Variants in TENT2 observed in about 807,000 individuals in gnomAD.
TENT2 encodes the protein poly(A) RNA polymerase GLD2.
In TENT2, 44 loss-of-function variants were observed where a neutral mutation model predicts 72.2. The ratio of observed to expected loss-of-function variants is 0.61; its 90% CI spans 0.48 to 0.78. The LOEUF (loss-of-function observed/expected upper bound fraction) is 0.78. Ranked by LOEUF, TENT2 falls within the 30% of genes least tolerant of loss-of-function variation. TENT2 has a pLI of 0.00. For missense variants in TENT2, 541 were observed against 569.6 expected, an observed-to-expected ratio of 0.95 and a Z score of 0.51; for synonymous variants, 212 against 192.5, an observed-to-expected ratio of 1.10 and a Z score of -0.84.
chr5:79,613,636 G>T (rs908214160), intron 1 of TENT2, among the ~76,000 whole-genome samples: 2 of 152,186 alleles, frequency 1.3e-5, no homozygotes, highest in African/African-American at 4.8e-5. Context: ...AATTATGTCT[G>T]TTCTGGAAAT....
chr5:79,642,843 G>A lies in TENT2; in HGVS notation c.684G>A (p.Gln228=). Residue 228 remains glutamine, a synonymous_variant, in exon 7 of 15, where the codon CAG becomes CAA. Transcript: ENST00000453514. ...LVVKEEPCFF[Q]VNQKTEARHI... is the part of the protein sequence containing the mutation. ...TTTTAACTTTTCAGTGTTTTTTTCAGGTAAATCAGAAGACTGAAGCACGGC... is the reference window on the plus strand; with the variant it reads ...TTTTAACTTTTCAGTGTTTTTTTCAAGTAAATCAGAAGACTGAAGCACGGC... The A allele has an allele frequency of 6.2e-7, 1 of 1,609,090 alleles. No homozygotes were observed. Among genetic ancestry groups the A allele is most frequent in the Non-Finnish European group, 8.5e-7 (1 of 1,177,924 alleles).
intron 11 of TENT2, among the ~76,000 whole-genome samples, chr5:79,659,556 G>GTGTATA (rs1168849605): frequency 4.4e-4 from 15 of 34,274 alleles, no homozygotes; most frequent in South Asian, 3.5e-3. Context: ...AAAAAAAAAT[G>GTGTATA]TATATATATA....
intron 1 of TENT2, among the ~76,000 whole-genome samples, chr5:79,616,682 C>G (rs1318807573): frequency 2.0e-5 from 3 of 152,130 alleles, no homozygotes; most frequent in Non-Finnish European, 4.4e-5. Flanking sequence ...TCCATTTCCT[C>G]TGAAGAAGCT....
In TENT2 at chr5:79,623,292, C is replaced by T; in HGVS notation, c.268C>T (p.Arg90Trp). ...AAAAAACCTTCCTCTTGACGGTAAA[C>T]GGCAACGTTTCCATTCACCCCACCA... ...DEKNLPLDGKRQRFHSPHQEP... is the reference protein window; with the variant it reads ...DEKNLPLDGKWQRFHSPHQEP... The change falls in exon 4 of 15, where the codon CGG becomes TGG. Residue 90 changes from arginine (R) to tryptophan (W), a missense_variant. Arg to Trp is a moderately radical substitution (Grantham distance 101, BLOSUM62 -3). Coordinates refer to ENST00000453514, the MANE Select transcript of TENT2 (RefSeq NM_001114394.3). The T allele has an allele frequency of 6.2e-7, 1 of 1,612,818 alleles. No individual in the cohort carries two copies. The highest frequency in any genetic ancestry group is 8.5e-7 in the Non-Finnish European group (1 of 1,179,436).
intron 10 of TENT2, among the ~76,000 whole-genome samples, chr5:79,656,185 C>T (rs1022757113): frequency 6.6e-6 from 1 of 151,762 alleles, no homozygotes; most frequent in African/African-American, 2.4e-5. Flanking sequence ...GAATGTTAGG[C>T]ACTTTACCTT....
At chr5:79,659,531 CAAAAAAAA>C (rs1291285987) in intron 11 of TENT2, among the ~76,000 whole-genome samples, 1 of 8,978 alleles carries the variant, frequency 1.1e-4, no homozygotes, top group Non-Finnish European at 2.0e-4. Flanking sequence ...GACTCTGTCT[CAAAAAAAA>C]AAAAAAAAAA....
At position 79,649,077 on chromosome 5, in the gene TENT2, G is replaced by A; in HGVS notation, c.914G>A (p.Arg305His). The change falls in exon 10 of 15, where the codon CGT becomes CAT. Residue 305 changes from arginine (R) to histidine (H), a missense_variant. By Grantham distance (29) the Arg-to-His change is conservative. Coordinates refer to ENST00000453514, the MANE Select transcript of TENT2 (RefSeq NM_001114394.3). ...RTYAYLENRVRPLVLVIKKWA... is the reference protein window; with the variant it reads ...RTYAYLENRVHPLVLVIKKWA... ...TTACTTTCAGTTGAAAATCGAGTTC[G>A]TCCGTTAGTGCTGGTGATTAAGAAG... 2.5e-6 allele frequency: 4 copies of A among 1,613,212 alleles called. No individual in the cohort carries two copies. The highest frequency in any genetic ancestry group is 3.4e-6 in the Non-Finnish European group (4 of 1,179,508).
chr5:79,666,563 T>C (rs562808415), intron 11 of TENT2, among the ~76,000 whole-genome samples: 1 of 152,054 alleles, frequency 6.6e-6, no homozygotes, highest in African/African-American at 2.4e-5. Context: ...AGCTAATCTT[T>C]CTATTTTTTT....
At chr5:79,637,827 G>A (rs10055601) in intron 4 of TENT2, among the ~76,000 whole-genome samples, 2,285 of 138,122 alleles carry the variant, frequency 0.017, 27 homozygotes, top group Non-Finnish European at 0.025. Flanking sequence ...TGACGGAGTC[G>A]CATTTTGTCA....
At chr5:79,634,860 T>C (rs570365319) in intron 4 of TENT2, among the ~76,000 whole-genome samples, 1 of 152,118 alleles carries the variant, frequency 6.6e-6, no homozygotes, top group East Asian at 1.9e-4. Flanking sequence ...GGGATTTTTT[T>C]TTTTTTGAGA....
chr5:79,657,471 A>G (rs956791983), intron 11 of TENT2, among the ~76,000 whole-genome samples: 14 of 151,998 alleles, frequency 9.2e-5, no homozygotes, highest in Non-Finnish European at 2.9e-5. Context: ...ATACACCACA[A>G]CAGGTAATAT....
chr5:79,681,424 C>T (rs1438843791), intron 13 of TENT2, among the ~76,000 whole-genome samples: 2 of 152,020 alleles, frequency 1.3e-5, no homozygotes, highest in Non-Finnish European at 2.9e-5. Context: ...TCCCAAAGTG[C>T]TGGGATTACA....
intron 14 of TENT2, among the ~76,000 whole-genome samples, chr5:79,684,930 C>T (rs1054751226): frequency 1.9e-4 from 29 of 152,166 alleles, no homozygotes; most frequent in African/African-American, 6.3e-4. Context: ...TGATGGCATA[C>T]GCCTGTAGTC....
Position 79,685,111 on chromosome 5 carries a change from G to A in TENT2, c.1381-88G>A, listed in dbSNP as rs912563152. ...TTATTCAAAATTTATCACCTAGAGA[G>A]AACCAACTATTAACATTCTTTTAAA... On this transcript the variant is annotated intron_variant, in intron 14 of 14. Coordinates refer to ENST00000453514, the MANE Select transcript of TENT2 (RefSeq NM_001114394.3). The A allele has an allele frequency of 8.6e-6, 9 of 1,040,468 alleles. No homozygotes were observed. In the South Asian group the frequency reaches 9.8e-5, roughly 11 times the overall value. The allele number at this position is 1,040,468 out of a possible 1,614,324, so 64.5% of individuals were successfully genotyped here.
chr5:79,681,970 T>G lies in TENT2; in HGVS notation c.1301-12T>G. 6.2e-7 allele frequency: 1 copy of G among 1,603,492 alleles called. No homozygotes were observed. The highest frequency in any genetic ancestry group is 8.5e-7 in the Non-Finnish European group (1 of 1,175,964). On this transcript the variant is annotated splice_polypyrimidine_tract_variant and intron_variant, in intron 13 of 14. Transcript: ENST00000453514. ...AATAATTTTTCCTTTACATTTGCAT[T>G]TAACATTGCAGAACCTTTTGATGGA...
chr5:79,684,576 G>T (rs1448765697), intron 14 of TENT2, among the ~76,000 whole-genome samples: 1 of 152,148 alleles, frequency 6.6e-6, no homozygotes, highest in African/African-American at 2.4e-5. Flanking sequence ...TGTTTTTAAT[G>T]CAAAAAGCTA....
At chr5:79,641,038 A>G (rs1241775805) in intron 5 of TENT2, 67 bp from the exon 6 acceptor site, 4 of 1,459,204 alleles carry the variant, frequency 2.7e-6, no homozygotes, top group African/African-American at 1.5e-5. Context: ...TTTTTTTTTA[A>G]TAGGCACAGA....
chr5:79,613,671 A>G (rs539071126), intron 1 of TENT2, among the ~76,000 whole-genome samples: 1 of 152,342 alleles, frequency 6.6e-6, no homozygotes, highest in East Asian at 1.9e-4. Flanking sequence ...TCCATGTGAA[A>G]TAGGCCGTTT....
At chr5:79,623,168 T>C (rs1766540224) in intron 3 of TENT2, 84 bp from the exon 4 acceptor site, 3 of 904,856 alleles carry the variant, frequency 3.3e-6, no homozygotes, top group Non-Finnish European at 4.9e-6. Flanking sequence ...TTATCTCTTA[T>C]GATATTTATA....
Sources: allele counts gnomAD v4.1 joint callset (sites outside exome capture counted in the v4.1 genomes callset), GRCh38; gene constraint gnomAD v4.1.1; transcripts MANE v1.5; gene names NCBI Gene and HGNC (gene_info 2026-07-23, HGNC 2026-07-21).